Variants in ELMO1 observed in about 807,000 individuals in gnomAD.
The protein encoded by ELMO1 is engulfment and cell motility 1.
ELMO1 carries 26 observed loss-of-function variants against 98.9 expected under a neutral mutation model. The ratio of observed to expected loss-of-function variants is 0.26; its 90% CI spans 0.19 to 0.36. The LOEUF is 0.36. Among genes scored for constraint, ELMO1 ranks in the 10% least tolerant of loss-of-function variants. ELMO1 has a pLI of 1.00. For synonymous variants in ELMO1, 346 were observed against 346.0 expected (o/e 1.00, Z 0.00); for missense variants, 627 against 935.2 (o/e 0.67, Z 4.30).
intron 13 of ELMO1, among the ~76,000 whole-genome samples, chr7:37,166,183 T>C (rs1223399951): frequency 1.3e-5 from 2 of 152,236 alleles, no homozygotes; most frequent in Non-Finnish European, 2.9e-5. Context: ...TTGGTGGTGA[T>C]ATCCCCTTTA....
At chr7:37,052,037 C>T (rs1321074849) in intron 15 of ELMO1, among the ~76,000 whole-genome samples, 1 of 152,168 alleles carries the variant, frequency 6.6e-6, no homozygotes, top group Non-Finnish European at 1.5e-5. Context: ...TTTCCTTTAG[C>T]ATCTCTTTTT....
chr7:37,134,841 T>C (rs961713649), intron 13 of ELMO1, among the ~76,000 whole-genome samples: 7 of 152,280 alleles, frequency 4.6e-5, no homozygotes, highest in Non-Finnish European at 8.8e-5. Flanking sequence ...TATTCTCACA[T>C]AGAAGTGGGA....
At chr7:37,381,748 T>C (rs1802591842) in intron 1 of ELMO1, among the ~76,000 whole-genome samples, 1 of 152,208 alleles carries the variant, frequency 6.6e-6, no homozygotes, top group Non-Finnish European at 1.5e-5. Context: ...GGAGAGAGTC[T>C]TCAACAGGGT....
At chr7:37,093,450 T>TGGTCTTCAA (rs1784222852) in intron 15 of ELMO1, among the ~76,000 whole-genome samples, 1 of 152,238 alleles carries the variant, frequency 6.6e-6, no homozygotes, top group Non-Finnish European at 1.5e-5. Flanking sequence ...AAAGTGACCA[T>TGGTCTTCAA]GGTCTTCAAG....
chr7:37,412,539 A>T (rs1804034664), intron 1 of ELMO1, among the ~76,000 whole-genome samples: 1 of 152,250 alleles, frequency 6.6e-6, no homozygotes, highest in Admixed American at 6.5e-5. Flanking sequence ...CACTGTGCAG[A>T]CACAACAACT....
Position 37,178,236 on chromosome 7 carries a change from T to A in ELMO1, c.1086+33150A>T, listed in dbSNP as rs73339747. 9.5e-4 allele frequency among the ~76,000 whole-genome samples: 145 copies of A among 152,060 alleles called. 1 individual carries two copies. The highest frequency in any genetic ancestry group is 2.5e-3 in the African/African-American group (104 of 41,462). Reference sequence around the variant, plus strand: ...CAATCATGGCGGAAGGTCAAAGGCATGTCTTACACTACAACAGGCAAGGAG... The same window carrying A: ...CAATCATGGCGGAAGGTCAAAGGCAAGTCTTACACTACAACAGGCAAGGAG... On this transcript the variant is annotated intron_variant, in intron 13 of 21. Coordinates refer to ENST00000310758, the MANE Select transcript of ELMO1 (RefSeq NM_014800.11).
chr7:37,140,359 C>G (rs1260590014), intron 13 of ELMO1, among the ~76,000 whole-genome samples: 1 of 151,748 alleles, frequency 6.6e-6, no homozygotes, highest in Admixed American at 6.6e-5. Flanking sequence ...GCACTCCAGC[C>G]TGGGCGACAG....
At chr7:37,035,952 C>A (rs1795150387) in intron 15 of ELMO1, among the ~76,000 whole-genome samples, 1 of 152,184 alleles carries the variant, frequency 6.6e-6, no homozygotes. Flanking sequence ...TTTAACACTG[C>A]ACCTTTGCAT....
At chr7:36,882,417 T>C (rs2129047653) in intron 18 of ELMO1, among the ~76,000 whole-genome samples, 1 of 152,276 alleles carries the variant, frequency 6.6e-6, no homozygotes, top group East Asian at 1.9e-4. Context: ...GATTTTTTTG[T>C]TGGTACAAAA....
intron 11 of ELMO1, 101 bp from the exon 12 acceptor site, chr7:37,213,558 A>G (rs1232674548): frequency 1.8e-6 from 2 of 1,138,606 alleles, no homozygotes; most frequent in Non-Finnish European, 2.4e-6. Context: ...ACTGGGAGGT[A>G]TAAGGAATGG....
intron 14 of ELMO1, among the ~76,000 whole-genome samples, chr7:37,125,295 T>G (rs1786423103): frequency 6.6e-6 from 1 of 152,120 alleles, no homozygotes; most frequent in South Asian, 2.1e-4. Flanking sequence ...TGGGATGTAA[T>G]TAAACTAAAG....
intron 16 of ELMO1, among the ~76,000 whole-genome samples, chr7:36,973,369 G>A (rs758072393): frequency 7.2e-5 from 11 of 152,194 alleles, no homozygotes; most frequent in Non-Finnish European, 1.0e-4. Flanking sequence ...AGGAGACTGT[G>A]TTTTAACAAT....
chr7:37,050,815 G>GTT (rs35164150), intron 15 of ELMO1, among the ~76,000 whole-genome samples: 1 of 144,144 alleles, frequency 6.9e-6, no homozygotes, highest in African/African-American at 2.5e-5. Context: ...AAGTTCAAAG[G>GTT]TTTTTTTTTT....
intron 19 of ELMO1, among the ~76,000 whole-genome samples, chr7:36,871,320 A>C (rs1318444772): frequency 6.6e-6 from 1 of 152,222 alleles, no homozygotes; most frequent in East Asian, 1.9e-4. Context: ...AGGACTGCTT[A>C]AGGCCAGGCC....
intron 11 of ELMO1, among the ~76,000 whole-genome samples, chr7:37,214,629 T>C (rs1160875611): frequency 1.3e-5 from 2 of 151,924 alleles, no homozygotes; most frequent in Non-Finnish European, 2.9e-5. Context: ...AATGAGAGAA[T>C]ACAGTCACCA....
chr7:37,062,271 TAAG>T (rs1796705818), intron 15 of ELMO1, among the ~76,000 whole-genome samples: 1 of 152,206 alleles, frequency 6.6e-6, no homozygotes, highest in Non-Finnish European at 1.5e-5. Context: ...TCATGGTGAT[TAAG>T]AAGAAATGAG....
intron 16 of ELMO1, among the ~76,000 whole-genome samples, chr7:37,008,715 T>A (rs1281639927): frequency 1.3e-5 from 2 of 152,138 alleles, no homozygotes; most frequent in Non-Finnish European, 2.9e-5. Context: ...TTCTCAGACA[T>A]AGAGCTCTGG....
At chr7:36,918,918 TC>T in intron 16 of ELMO1, among the ~76,000 whole-genome samples, 1 of 152,190 alleles carries the variant, frequency 6.6e-6, no homozygotes, top group Non-Finnish European at 1.5e-5. Flanking sequence ...ATATTTTTTT[TC>T]TTTTGGTTTA....
intron 13 of ELMO1, among the ~76,000 whole-genome samples, chr7:37,174,925 G>C (rs987036043): frequency 6.6e-6 from 1 of 152,008 alleles, no homozygotes; most frequent in Non-Finnish European, 1.5e-5. Context: ...CAGTTTTTCA[G>C]CATAAAGCGA....
Sources: allele counts gnomAD v4.1 joint callset (sites outside exome capture counted in the v4.1 genomes callset), GRCh38; gene constraint gnomAD v4.1.1; transcripts MANE v1.5; gene names NCBI Gene and HGNC (gene_info 2026-07-23, HGNC 2026-07-21).